The following ACOXL variants were observed in gnomAD, a reference collection of about 807,000 sequenced individuals.
ACOXL encodes acyl-coenzyme A oxidase-like protein.
Under a neutral mutation model 71.9 loss-of-function variants are expected in ACOXL, and 70 were observed. The observed-to-expected ratio is 0.97, with a 90% CI of 0.80 to 1.19. The LOEUF (loss-of-function observed/expected upper bound fraction) is 1.19, where lower values mean the gene tolerates loss of function less well. Ranked by LOEUF, ACOXL falls within the 50% of genes most tolerant of loss-of-function variation. The pLI is 0.00. For missense variants in ACOXL, 703 were observed against 736.3 expected, an observed-to-expected ratio of 0.95 and a Z score of 0.52; for synonymous variants, 253 against 281.6, an observed-to-expected ratio of 0.90 and a Z score of 1.02.
rs182028830 is a variant in ACOXL, at chr2:111,000,392, A to G, written c.1281+4388A>G. Among the ~76,000 whole-genome samples, 21 of 152,284 alleles carry G rather than the reference A, an allele frequency of 1.4e-4. 1 individual carries two copies. The East Asian group carries it at 4.0e-3, about 29-fold the overall frequency. ...AGTGATGTGCAAGAAGAGAGAGAGA[A>G]TCTCAAGGAAAGAGCTTTTAATATG... On this transcript the variant is annotated intron_variant, in intron 14 of 17. Transcript: ENST00000439055.
At chr2:110,760,148 T>C (rs890784770) in intron 1 of ACOXL, among the ~76,000 whole-genome samples, 4 of 151,050 alleles carry the variant, frequency 2.6e-5, no homozygotes, top group African/African-American at 4.8e-5. Context: ...CTTTTCTTTT[T>C]TTTTTTTTTG....
intron 16 of ACOXL, among the ~76,000 whole-genome samples, chr2:111,063,063 G>GAAAACACACAATACCACAGCTTTCT (rs1347123475): frequency 1.3e-5 from 2 of 152,072 alleles, no homozygotes; most frequent in African/African-American, 4.8e-5. Flanking sequence ...ACTATTATTC[G>GAAAACACACAATACCACAGCTTTCT]AAAACACACA....
At chr2:110,913,561 G>C (rs2059727896) in intron 11 of ACOXL, among the ~76,000 whole-genome samples, 1 of 152,194 alleles carries the variant, frequency 6.6e-6, no homozygotes, top group Admixed American at 6.6e-5. Context: ...CAGAGTGATA[G>C]AGATGGAAAC....
At chr2:110,884,081 A>AT (rs1230768784) in intron 10 of ACOXL, among the ~76,000 whole-genome samples, 2 of 152,328 alleles carry the variant, frequency 1.3e-5, no homozygotes, top group Non-Finnish European at 2.9e-5. Flanking sequence ...TTATATTGAC[A>AT]TAAGACAGAT....
chr2:111,052,217 T>C (rs539084004), intron 16 of ACOXL, among the ~76,000 whole-genome samples: 21 of 152,132 alleles, frequency 1.4e-4, no homozygotes, highest in Non-Finnish European at 2.5e-4. Context: ...GCAATAGAAC[T>C]AGGACCAGAA....
intron 17 of ACOXL, chr2:111,100,084 C>T (rs115857367): frequency 2.0e-3 from 298 of 152,230 alleles, no homozygotes; most frequent in African/African-American, 6.9e-3. Context: ...TGCATTGGGA[C>T]GTATGGAAAA....
At chr2:111,056,045 C>G (rs1377371621) in intron 16 of ACOXL, among the ~76,000 whole-genome samples, 1 of 152,074 alleles carries the variant, frequency 6.6e-6, no homozygotes, top group African/African-American at 2.4e-5. Flanking sequence ...ACCTGGCTCA[C>G]TTGAAGAGTA....
chr2:110,745,988 T>C (rs1407686602), intron 1 of ACOXL, among the ~76,000 whole-genome samples: 1 of 152,208 alleles, frequency 6.6e-6, no homozygotes, highest in African/African-American at 2.4e-5. Context: ...TATTTTTCTT[T>C]ACCCTGTTGC....
intron 15 of ACOXL, among the ~76,000 whole-genome samples, chr2:111,045,364 A>G (rs182650240): frequency 3.9e-5 from 6 of 152,296 alleles, no homozygotes; most frequent in Admixed American, 3.9e-4. Flanking sequence ...TTCTCTTGCA[A>G]GTTGTCACTG....
At chr2:110,936,242 T>C (rs1056894421) in intron 12 of ACOXL, among the ~76,000 whole-genome samples, 1 of 152,098 alleles carries the variant, frequency 6.6e-6, no homozygotes, top group Non-Finnish European at 1.5e-5. Flanking sequence ...TAGTCACAAA[T>C]AGTGGTTCTC....
intron 16 of ACOXL, among the ~76,000 whole-genome samples, 162 bp downstream of exon 16, chr2:111,049,450 C>T (rs3789069): frequency 0.3 from 45,689 of 151,914 alleles, 7,271 homozygotes; most frequent in East Asian, 0.46. Context: ...TGCTGGTTAA[C>T]GAGCACCACT....
chr2:111,106,079 A>T (rs2069523784), intron 17 of ACOXL, among the ~76,000 whole-genome samples: 1 of 152,146 alleles, frequency 6.6e-6, no homozygotes, highest in Non-Finnish European at 1.5e-5. Flanking sequence ...GTTTTCAGCC[A>T]ATTTTTCAAG....
Position 110,801,838 on chromosome 2 carries a change from C to T in ACOXL, c.620+114C>T, listed in dbSNP as rs563412002. 1.1e-4 allele frequency: 94 copies of T among 823,706 alleles called. No individual in the cohort carries two copies. The Middle Eastern group carries it at 1.2e-3, about 10-fold the overall frequency. 51.0% of individuals were successfully genotyped at this position (823,706 alleles called of 1,614,324 possible). On this transcript the variant is annotated intron_variant, in intron 8 of 17. Coordinates refer to ENST00000439055, the MANE Select transcript of ACOXL (RefSeq NM_001142807.4). ...CATGTCTGGGCATTCTTCCCCTAAC[C>T]ACCCGTACAGGTTTGTTGACAACTA... is the stretch of plus-strand genomic sequence containing the variant.
intron 9 of ACOXL, among the ~76,000 whole-genome samples, chr2:110,818,423 A>ATGTGTGTGTG (rs766770172): frequency 7.3e-6 from 1 of 137,694 alleles, no homozygotes; most frequent in African/African-American, 2.8e-5. Flanking sequence ...ATATATATAT[A>ATGTGTGTGTG]TGTGTGTGTG....
chr2:110,865,486 G>T (rs1047275895), intron 10 of ACOXL, among the ~76,000 whole-genome samples: 1 of 152,240 alleles, frequency 6.6e-6, no homozygotes. Context: ...TTTCGAAGGA[G>T]TGATGAGTCA....
At position 110,896,843 on chromosome 2, in the gene ACOXL, T is replaced by C. The variant is rs115586589; in HGVS notation, c.789-11946T>C. On this transcript the variant is annotated intron_variant, in intron 10 of 17. Coordinates refer to ENST00000439055, the MANE Select transcript of ACOXL (RefSeq NM_001142807.4). The stretch of plus-strand genomic sequence containing the variant: ...GAACTAGGCAGAAAGTCAGCATGAA[T>C]ATAGAAAAACTCAACAATACTATCA... 3.6e-3 allele frequency among the ~76,000 whole-genome samples: 552 copies of C among 152,242 alleles called. 9 individuals are homozygous for C. The highest frequency in any genetic ancestry group is 0.013 in the African/African-American group (524 of 41,550).
At chr2:110,848,945 C>T (rs1488583811) in intron 10 of ACOXL, among the ~76,000 whole-genome samples, 3 of 152,252 alleles carry the variant, frequency 2.0e-5, no homozygotes, top group African/African-American at 7.2e-5. Context: ...CTGCTGTCTC[C>T]TCACGCTGAG....
intron 7 of ACOXL, among the ~76,000 whole-genome samples, chr2:110,799,854 G>A (rs1026890942): frequency 2.0e-5 from 3 of 152,154 alleles, no homozygotes; most frequent in African/African-American, 7.2e-5. Flanking sequence ...CAAGAAGATT[G>A]TGAAATGCAC....
At chr2:111,028,897 C>T (rs1412762402) in intron 14 of ACOXL, among the ~76,000 whole-genome samples, 1 of 152,084 alleles carries the variant, frequency 6.6e-6, no homozygotes, top group African/African-American at 2.4e-5. Flanking sequence ...CAGGTTTTGC[C>T]AGGGAACTAA....
Sources: allele counts gnomAD v4.1 joint callset (sites outside exome capture counted in the v4.1 genomes callset), GRCh38; gene constraint gnomAD v4.1.1; transcripts MANE v1.5; gene names NCBI Gene and HGNC (gene_info 2026-07-23, HGNC 2026-07-21).